ACSS3: variants seen among roughly 807,000 people sequenced by gnomAD.
ACSS3 encodes acyl-CoA synthetase short chain family member 3.
Under a neutral mutation model 84.2 loss-of-function variants are expected in ACSS3, and 64 were observed. The observed-to-expected ratio is 0.76, with a 90% CI of 0.62 to 0.94. The LOEUF is 0.94. Ranked by LOEUF, ACSS3 falls within the 40% of genes least tolerant of loss-of-function variation. The pLI is 0.00. For synonymous variants in ACSS3, 317 were observed against 310.1 expected (o/e 1.02, Z -0.23); for missense variants, 815 against 867.6 (o/e 0.94, Z 0.76).
chr12:81,222,055 G>A (rs932743668), intron 11 of ACSS3, among the ~76,000 whole-genome samples: 15 of 151,800 alleles, frequency 9.9e-5, no homozygotes, highest in African/African-American at 3.6e-4. Flanking sequence ...TTTTCTTATA[G>A]CCATTAGTGT....
At chr12:81,206,836 A>G (rs183763644) in intron 9 of ACSS3, among the ~76,000 whole-genome samples, 2 of 152,190 alleles carry the variant, frequency 1.3e-5, no homozygotes, top group Non-Finnish European at 1.5e-5. Context: ...TCTGAAAGTG[A>G]ATAACTGTTT....
chr12:81,174,995 A>G (rs1408085231), intron 8 of ACSS3, 56 bp downstream of exon 8: 1 of 1,568,082 alleles, frequency 6.4e-7, no homozygotes, highest in Non-Finnish European at 8.7e-7. Flanking sequence ...AAAATGAATA[A>G]GTGAACATTA....
Position 81,259,502 on chromosome 12 carries a change from C to T in ACSS3, c.*4580C>T. 1 of 791,014 alleles carries T rather than the reference C, an allele frequency of 1.3e-6. No homozygotes were observed. The highest frequency in any genetic ancestry group is 1.7e-5 in the African/African-American group (1 of 57,766). The allele number at this position is 791,014 out of a possible 1,614,324, so 49.0% of individuals were successfully genotyped here. Reference sequence around the variant, plus strand: ...TTATTACAATTTGTAGTAAACTAATCAAATGTAATATCTGACTCCCCCCAA... The same window carrying T: ...TTATTACAATTTGTAGTAAACTAATTAAATGTAATATCTGACTCCCCCCAA... On this transcript the variant is annotated 3_prime_UTR_variant, in exon 16 of 16. Transcript: ENST00000548058.
At chr12:81,119,748 T>C (rs1744923659) in intron 2 of ACSS3, among the ~76,000 whole-genome samples, 1 of 152,142 alleles carries the variant, frequency 6.6e-6, no homozygotes, top group African/African-American at 2.4e-5. Context: ...ATCACTGTTA[T>C]TCTGTTCTTT....
intron 8 of ACSS3, among the ~76,000 whole-genome samples, chr12:81,198,222 C>T (rs1417982335): frequency 6.6e-6 from 1 of 151,894 alleles, no homozygotes; most frequent in Non-Finnish European, 1.5e-5. Context: ...GTTTAAATAC[C>T]TAAAAATTTC....
chr12:81,159,039 C>T (rs926839950), intron 7 of ACSS3, among the ~76,000 whole-genome samples: 1 of 152,070 alleles, frequency 6.6e-6, no homozygotes, highest in Non-Finnish European at 1.5e-5. Flanking sequence ...CAGAAGAAAA[C>T]TTGATTTATA....
intron 12 of ACSS3, among the ~76,000 whole-genome samples, chr12:81,233,000 A>C (rs2033515002): frequency 6.6e-6 from 1 of 151,738 alleles, no homozygotes; most frequent in Admixed American, 6.6e-5. Flanking sequence ...CAATTAAAGA[A>C]GAAATGTATC....
intron 2 of ACSS3, among the ~76,000 whole-genome samples, chr12:81,129,361 G>A (rs1885333864): frequency 6.6e-6 from 1 of 152,092 alleles, no homozygotes; most frequent in African/African-American, 2.4e-5. Context: ...TATGATAAAT[G>A]CCCCTGGGAA....
chr12:81,252,603 A>G (rs1367173350), intron 13 of ACSS3, among the ~76,000 whole-genome samples: 1 of 146,838 alleles, frequency 6.8e-6, no homozygotes, highest in South Asian at 2.2e-4. Flanking sequence ...TCCCGTCACC[A>G]TATATATATA....
chr12:81,129,441 GGCCTGGTGCTGCTAGA>G (rs1885339925), intron 2 of ACSS3, among the ~76,000 whole-genome samples: 1 of 152,118 alleles, frequency 6.6e-6, no homozygotes, highest in Admixed American at 6.6e-5. Flanking sequence ...CAAGAACACA[GGCCTGGTGCTGCTAGA>G]CTTCACAATT....
intron 1 of ACSS3, among the ~76,000 whole-genome samples, chr12:81,107,179 C>T (rs1387992030): frequency 6.6e-6 from 1 of 151,190 alleles, no homozygotes; most frequent in Admixed American, 6.6e-5. Context: ...GAAACTGTAG[C>T]GTGAGCTAAG....
intron 2 of ACSS3, among the ~76,000 whole-genome samples, chr12:81,120,304 A>G (rs1884470180): frequency 1.3e-5 from 2 of 152,224 alleles, no homozygotes; most frequent in African/African-American, 4.8e-5. Flanking sequence ...GTCTAAGTTT[A>G]GTAGGAAGAG....
At chr12:81,254,261 A>T (rs2136022141) in intron 15 of ACSS3, among the ~76,000 whole-genome samples, 1 of 152,232 alleles carries the variant, frequency 6.6e-6, no homozygotes, top group East Asian at 1.9e-4. Context: ...ATTGTCAGTT[A>T]AATTCAAACA....
Position 81,117,700 on chromosome 12 carries a change from GA to G in ACSS3, c.456+7999del, listed in dbSNP as rs1370376457. Among the ~76,000 whole-genome samples the G allele has an allele frequency of 1.1e-4, 17 of 152,214 alleles. No homozygotes were observed. The East Asian group carries it at 3.3e-3, about 29-fold the overall frequency. ...TGATGGGAAGCTCCATATTGTCAAA[GA>G]AATCACTTTGGCATCTCTGAAGATG... On this transcript the variant is annotated intron_variant, in intron 2 of 15. Coordinates refer to ENST00000548058, the MANE Select transcript of ACSS3 (RefSeq NM_024560.4).
chr12:81,177,357 G>A (rs1044477584), intron 8 of ACSS3, among the ~76,000 whole-genome samples: 2 of 152,150 alleles, frequency 1.3e-5, no homozygotes, highest in Non-Finnish European at 2.9e-5. Context: ...AGAAGGAAAA[G>A]AGGAAGTCAA....
At chr12:81,172,451 A>G (rs1426926015) in intron 7 of ACSS3, among the ~76,000 whole-genome samples, 2 of 151,902 alleles carry the variant, frequency 1.3e-5, no homozygotes, top group African/African-American at 4.8e-5. Context: ...TTAATTCTTT[A>G]GGGGCTGTCT....
At chr12:81,106,308 T>G (rs533336854) in intron 1 of ACSS3, among the ~76,000 whole-genome samples, 40 of 152,320 alleles carry the variant, frequency 2.6e-4, no homozygotes, top group African/African-American at 9.4e-4. Flanking sequence ...GGAATCTAGG[T>G]TGCATTCTCC....
intron 13 of ACSS3, among the ~76,000 whole-genome samples, chr12:81,235,088 A>G (rs1053980770): frequency 4.6e-5 from 7 of 151,122 alleles, no homozygotes; most frequent in African/African-American, 7.3e-5. Flanking sequence ...TTTAAATTTG[A>G]GTTAATTTTT....
At chr12:81,122,814 T>C (rs34334790) in intron 2 of ACSS3, among the ~76,000 whole-genome samples, 53,391 of 152,004 alleles carry the variant, frequency 0.35, 11,859 homozygotes, top group Non-Finnish European at 0.5. Context: ...ACATATTTTT[T>C]ATATGTAATA....
Sources: gnomAD v4.1 joint callset for allele counts (sites outside exome capture counted in the v4.1 genomes callset) on GRCh38, gnomAD v4.1.1 for gene constraint, MANE v1.5 for transcripts, NCBI Gene and HGNC (gene_info 2026-07-23, HGNC 2026-07-21) for gene names.